DDX11: variants seen among roughly 807,000 people sequenced by gnomAD.
DDX11 encodes ATP-dependent DNA helicase DDX11.
A neutral mutation model predicts 125.2 loss-of-function variants in DDX11; 72 were observed. The ratio of observed to expected loss-of-function variants is 0.58; its 90% CI spans 0.48 to 0.70. The LOEUF is 0.70. Among genes scored for constraint, DDX11 ranks in the 30% least tolerant of loss-of-function variants. The pLI is 0.00. For missense variants in DDX11, 883 were observed against 1,165.0 expected (o/e 0.76, Z 3.52); for synonymous variants, 347 against 452.6 (o/e 0.77, Z 2.96).
chr12:31,076,697 A>G (rs556976735), intron 1 of DDX11, among the ~76,000 whole-genome samples: 3 of 152,310 alleles, frequency 2.0e-5, no homozygotes, highest in Admixed American at 6.5e-5. Context: ...GAGGTACTCA[A>G]AAATTTGTTA....
intron 2 of DDX11, among the ~76,000 whole-genome samples, chr12:31,082,977 C>G (rs1226345623): frequency 6.6e-6 from 1 of 152,178 alleles, no homozygotes; most frequent in Non-Finnish European, 1.5e-5. Flanking sequence ...GCCCTTTAGG[C>G]TGGGTCCCGT....
Position 31,101,136 on chromosome 12 carries a change from T to C in DDX11, c.2052+6T>C. Reference sequence around the variant, plus strand: ...AAAGAGAGCTGCCTCAGATGGTCAGTCCCAGCCAGCTCGCCGCACCACAGC... The same window carrying C: ...AAAGAGAGCTGCCTCAGATGGTCAGCCCCAGCCAGCTCGCCGCACCACAGC... On this transcript the variant is annotated splice_donor_region_variant and intron_variant, in intron 20 of 26. Transcript: ENST00000542838. 1 of 1,613,732 alleles carries C rather than the reference T, an allele frequency of 6.2e-7. No homozygotes were observed. The highest frequency in any genetic ancestry group is 8.5e-7 in the Non-Finnish European group (1 of 1,179,636).
rs1403911416 is a variant in DDX11 at position 31,103,901 on chromosome 12, T to G, written c.*65T>G. ...TGTCCTGCCCGCTGGAGACAGTGTT[T>G]GTCGTGGGCGTGGTCTGCGGGGATC... On this transcript the variant is annotated 3_prime_UTR_variant, in exon 27 of 27. Transcript: ENST00000542838. 5 of 1,613,772 alleles carry G rather than the reference T, an allele frequency of 3.1e-6. No individual in the cohort carries two copies. The highest frequency in any genetic ancestry group is 4.5e-5 in the East Asian group (2 of 44,874).
chr12:31,077,706 T>C (rs1940953139), intron 1 of DDX11, among the ~76,000 whole-genome samples: 1 of 151,128 alleles, frequency 6.6e-6, no homozygotes, highest in Admixed American at 6.6e-5. Flanking sequence ...TAGCTGGGCG[T>C]GGTGGCGGGC....
At chr12:31,102,152 A>C (rs1946498082) in intron 21 of DDX11, 91 bp from the exon 22 acceptor site, 1 of 1,406,932 alleles carries the variant, frequency 7.1e-7, no homozygotes, top group African/African-American at 1.4e-5. Flanking sequence ...GAGGTTCTCC[A>C]GTCCCCTGGC....
At chr12:31,078,781 G>A (rs754028682) in intron 2 of DDX11, among the ~76,000 whole-genome samples, 4 of 149,930 alleles carry the variant, frequency 2.7e-5, no homozygotes, top group Non-Finnish European at 4.4e-5. Flanking sequence ...TCCGCCTCCC[G>A]GGTTCACGCC....
chr12:31,097,875 G>C lies in DDX11; in HGVS notation c.1763-10G>C, dbSNP rs747323004. 6.2e-7 allele frequency: 1 copy of C among 1,606,030 alleles called. No homozygotes were observed. The highest frequency in any genetic ancestry group is 1.7e-5 in the Admixed American group (1 of 59,884). On this transcript the variant is annotated splice_polypyrimidine_tract_variant and intron_variant, in intron 17 of 26. Coordinates refer to ENST00000542838, the MANE Select transcript of DDX11 (RefSeq NM_030653.4). ...GCTTGCACTCACCTCCCACCGATCT[G>C]TTTTTCCAGGCAGCCTCAGTCAGAG...
At chr12:31,092,630 G>A (rs1003408938) in intron 10 of DDX11, among the ~76,000 whole-genome samples, 7 of 152,104 alleles carry the variant, frequency 4.6e-5, no homozygotes, top group Non-Finnish European at 8.8e-5. Context: ...ACCCACAGTG[G>A]ACACTGGAGG....
intron 12 of DDX11, chr12:31,093,683 T>A: frequency 3.2e-6 from 1 of 314,914 alleles, no homozygotes; most frequent in Admixed American, 4.6e-5. Context: ...ATTGTGCCAC[T>A]GCAGTCCAGT....
At chr12:31,097,859 C>CA (rs1945590801) in intron 17 of DDX11, 26 bp from the exon 18 acceptor site, 2 of 1,488,786 alleles carry the variant, frequency 1.3e-6, no homozygotes, top group Admixed American at 1.7e-5. Context: ...GGCTTGCACT[C>CA]ACCTCCCACC....
intron 6 of DDX11, among the ~76,000 whole-genome samples, chr12:31,088,249 C>T (rs550933896): frequency 1.8e-4 from 28 of 151,862 alleles, no homozygotes; most frequent in Admixed American, 3.3e-4. Context: ...GAACAGGGAC[C>T]TGAGGAGACC....
At chr12:31,082,662 C>T (rs948568691) in intron 2 of DDX11, among the ~76,000 whole-genome samples, 19 of 151,812 alleles carry the variant, frequency 1.3e-4, no homozygotes, top group Admixed American at 1.1e-3. Flanking sequence ...ACACCAGGGC[C>T]GCCTCCTTGT....
At chr12:31,086,377 G>A (rs143137382) in intron 5 of DDX11, among the ~76,000 whole-genome samples, 1,922 of 117,316 alleles carry the variant, frequency 0.016, no homozygotes, top group South Asian at 0.02. Context: ...TTTGGCATAG[G>A]GGTGTGCTCA....
chr12:31,098,356 T>G (rs71455624), intron 18 of DDX11, among the ~76,000 whole-genome samples: 15,378 of 151,806 alleles, frequency 0.1, 269 homozygotes, highest in Middle Eastern at 0.18. Flanking sequence ...TTTTTACTTA[T>G]GTGCATAGCT....
At chr12:31,103,177 C>G (rs1946697003) in intron 24 of DDX11, 140 bp from the exon 25 acceptor site, 1 of 1,341,796 alleles carries the variant, frequency 7.5e-7, no homozygotes. Context: ...TCTTGATCTT[C>G]CCTGTGATGT....
intron 18 of DDX11, among the ~76,000 whole-genome samples, chr12:31,099,245 A>G (rs1945952706): frequency 6.6e-6 from 1 of 151,032 alleles, no homozygotes; most frequent in South Asian, 2.1e-4. Flanking sequence ...GTGCCACCAC[A>G]CCCAGCTAAT....
rs371676005 is a variant in DDX11, at chr12:31,092,890, C to G, written c.1287C>G (p.Tyr429Ter). The G allele has an allele frequency of 8.7e-6, 14 of 1,613,898 alleles. No homozygotes were observed. The highest frequency in any genetic ancestry group is 1.6e-4 in the Middle Eastern group (1 of 6,078). Residue 429 changes from tyrosine to a stop codon, truncating the protein, a stop_gained and splice_region_variant, in exon 11 of 27, where the codon TAC becomes TAG. Coordinates refer to ENST00000542838, the MANE Select transcript of DDX11 (RefSeq NM_030653.4). LOFTEE classifies it high-confidence loss of function. ...HSQLLQYVER[Y>*]GKRLKAKNLM... is the part of the protein sequence containing the mutation. ...AGCTGCTGCAGTACGTGGAGCGATA[C>G]GGGTGAGATGTGACCCTCTGAGGTA...
At chr12:31,093,222 A>G (rs781268370) in intron 11 of DDX11, 23 bp from the exon 12 acceptor site, 68 of 1,605,702 alleles carry the variant, frequency 4.2e-5, no homozygotes, top group Non-Finnish European at 3.8e-5. Flanking sequence ...ACCACCACTT[A>G]ATGTCCGTTG....
intron 1 of DDX11, chr12:31,077,142 T>G (rs544319270): frequency 6.6e-6 from 1 of 151,402 alleles, no homozygotes; most frequent in Admixed American, 6.7e-5. Flanking sequence ...ACATTTGTGC[T>G]TAGAAGAGAC....
Sources: gnomAD v4.1 joint callset for allele counts (sites outside exome capture counted in the v4.1 genomes callset) on GRCh38, gnomAD v4.1.1 for gene constraint, MANE v1.5 for transcripts, NCBI Gene and HGNC (gene_info 2026-07-23, HGNC 2026-07-21) for gene names.